OPRM1: variants seen among roughly 807,000 people sequenced by gnomAD.
OPRM1 encodes the protein mu-type opioid receptor.
A neutral mutation model predicts 31.8 loss-of-function variants in OPRM1; 27 were observed. The observed-to-expected ratio is 0.85, with a 90% CI of 0.63 to 1.17. The LOEUF (loss-of-function observed/expected upper bound fraction) is 1.17. OPRM1 is among the 50% of genes most tolerant of loss of function. The probability of loss-of-function intolerance (pLI) is 0.00; values close to 1 mark genes in which losing one functional copy is unlikely to be tolerated. For missense variants in OPRM1, 536 were observed against 511.1 expected (o/e 1.05, Z -0.47); for synonymous variants, 196 against 189.9 (o/e 1.03, Z -0.26).
chr6:154,010,582 C>A, exon 1 of OPRM1: 1 of 1,541,534 alleles, frequency 6.5e-7, no homozygotes, highest in East Asian at 2.5e-5. Flanking sequence ...GAAAATACTC[C>A]TCTGAGCTCA....
At chr6:154,145,058 T>C (rs1042014171) in intron 3 of OPRM1, among the ~76,000 whole-genome samples, 3 of 112,316 alleles carry the variant, frequency 2.7e-5, no homozygotes, top group Non-Finnish European at 6.0e-5. Context: ...GACTGGATGT[T>C]TTCTCCCTAA....
chr6:154,110,502 A>C, intron 3 of OPRM1: 1 of 818,444 alleles, frequency 1.2e-6, no homozygotes, highest in Non-Finnish European at 2.0e-6. Flanking sequence ...CATTTGTGTG[A>C]GTTTTTCATC....
Position 154,093,438 on chromosome 6 carries a change from C to T in OPRM1, c.1164+1966C>T, listed in dbSNP as rs562859. 0.68 allele frequency: 1,089,886 copies of T among 1,612,816 alleles called. 371,452 individuals carry two copies. The highest frequency in any genetic ancestry group is 0.89 in the East Asian group (39,971 of 44,824). ...CAGCCCGTCTGGTGGAGCATTTCTC[C>T]TGAGTTAAGCATGATTATTCTTCAG... On this transcript the variant is annotated intron_variant, in intron 3 of 3. Coordinates refer to ENST00000330432, the MANE Select transcript of OPRM1 (RefSeq NM_000914.5).
chr6:154,181,243 C>T (rs995903343), intron 3 of OPRM1, among the ~76,000 whole-genome samples: 5 of 152,138 alleles, frequency 3.3e-5, no homozygotes, highest in Admixed American at 6.5e-5. Context: ...ACAACATTGG[C>T]ATAGTATAAT....
chr6:154,166,027 G>T (rs1339961485), intron 3 of OPRM1, among the ~76,000 whole-genome samples: 3 of 152,258 alleles, frequency 2.0e-5, no homozygotes, highest in African/African-American at 7.2e-5. Context: ...TGCAGCCCCA[G>T]CTGACAGCTT....
intron 3 of OPRM1, among the ~76,000 whole-genome samples, chr6:154,242,419 TTA>T (rs1437583153): frequency 1.3e-5 from 2 of 152,214 alleles, no homozygotes; most frequent in African/African-American, 2.4e-5. Flanking sequence ...CCGAAGATTC[TTA>T]ATTCTTATTT....
intron 3 of OPRM1, among the ~76,000 whole-genome samples, chr6:154,103,075 A>G (rs1183212010): frequency 6.6e-6 from 1 of 152,180 alleles, no homozygotes; most frequent in African/African-American, 2.4e-5. Flanking sequence ...AGATGAAGAT[A>G]TTGTTAGAGA....
chr6:154,221,838 C>A (rs1562550773), intron 3 of OPRM1, among the ~76,000 whole-genome samples: 1 of 152,278 alleles, frequency 6.6e-6, no homozygotes, highest in East Asian at 1.9e-4. Flanking sequence ...CATGCCACTG[C>A]ACTCCAGTCT....
At chr6:154,190,555 TG>T (rs1408969314) in intron 3 of OPRM1, among the ~76,000 whole-genome samples, 3 of 152,182 alleles carry the variant, frequency 2.0e-5, no homozygotes, top group African/African-American at 7.2e-5. Context: ...CATTCATTGA[TG>T]GTGGGAATGC....
rs1583282747 is a variant in OPRM1, at chr6:154,058,551, G to A, written c.290+18717G>A. On this transcript the variant is annotated intron_variant, in intron 1 of 3. Transcript: ENST00000330432. ...AATGTTAGTACAGTCAAAACAAAAA[G>A]TAACACTTTAGTAAATATGAATGCT... Among the ~76,000 whole-genome samples, 4 of 152,224 alleles carry A rather than the reference G, an allele frequency of 2.6e-5. No homozygotes were observed. The South Asian group carries it at 8.3e-4, about 32-fold the overall frequency.
chr6:154,145,027 C>A (rs1043216502), intron 3 of OPRM1, among the ~76,000 whole-genome samples: 3 of 151,728 alleles, frequency 2.0e-5, no homozygotes, highest in South Asian at 4.1e-4. Flanking sequence ...ACTACAGCTA[C>A]AATTATATTT....
intron 2 of OPRM1, 135 bp downstream of exon 2, chr6:154,090,313 A>G: frequency 1.5e-6 from 1 of 648,158 alleles, no homozygotes. Flanking sequence ...TCCTAGCAAA[A>G]AAAGCCTTTG....
At chr6:154,039,144 C>G (rs747345350), upstream of OPRM1, 4 of 1,549,518 alleles carry the variant, frequency 2.6e-6, no homozygotes, top group African/African-American at 4.1e-5. Context: ...ACCCTTCTCT[C>G]CATCTCCCTC....
At chr6:154,223,097 A>G in intron 3 of OPRM1, 1 of 1,192,238 alleles carries the variant, frequency 8.4e-7, no homozygotes, top group South Asian at 1.2e-5. Context: ...CTAAATCACC[A>G]TATCCCTTGG....
intron 3 of OPRM1, chr6:154,159,552 C>T (rs879092782): frequency 6.7e-6 from 3 of 450,776 alleles, no homozygotes; most frequent in Non-Finnish European, 3.9e-6. Context: ...TCACATCCCC[C>T]CTAGAGCCCC....
At position 154,124,593 on chromosome 6, in the gene OPRM1, C is replaced by CA. The variant is rs1254183840; in HGVS notation, c.*5878dup. ...GAGCCCTTCCTTTTTGTCTCAATCT[C>CA]AAAAAACAGTAAGTCTTTAATCCAT... On this transcript the variant is annotated 3_prime_UTR_variant, in exon 4 of 4. Coordinates refer to ENST00000330432, the MANE Select transcript of OPRM1 (RefSeq NM_000914.5). Among the ~76,000 whole-genome samples, 2 of 152,034 alleles carry CA rather than the reference C, an allele frequency of 1.3e-5. No homozygotes were observed. The highest frequency in any genetic ancestry group is 4.8e-5 in the African/African-American group (2 of 41,396).
chr6:154,093,615 C>G (rs979094015), intron 3 of OPRM1: 3 of 1,287,876 alleles, frequency 2.3e-6, no homozygotes, highest in Non-Finnish European at 1.0e-6. Context: ...TCCAATTAGG[C>G]CTTATCTTCA....
At chr6:154,071,678 T>A (rs1165242285) in intron 1 of OPRM1, among the ~76,000 whole-genome samples, 1 of 152,236 alleles carries the variant, frequency 6.6e-6, no homozygotes, top group Non-Finnish European at 1.5e-5. Context: ...GACAGTGTGC[T>A]GTCCTAAAGC....
intron 3 of OPRM1, among the ~76,000 whole-genome samples, chr6:154,242,010 C>T (rs772723810): frequency 1.4e-4 from 22 of 152,174 alleles, no homozygotes; most frequent in Non-Finnish European, 2.8e-4. Context: ...AGACTTTGAG[C>T]AAGTTACTTA....
Sources: allele counts gnomAD v4.1 joint callset (sites outside exome capture counted in the v4.1 genomes callset), GRCh38; gene constraint gnomAD v4.1.1; transcripts MANE v1.5; gene names NCBI Gene and HGNC (gene_info 2026-07-23, HGNC 2026-07-21).